The following EXTL1 variants were observed in gnomAD, a reference collection of about 807,000 sequenced individuals.
EXTL1 encodes exostosin-like 1.
A neutral mutation model predicts 64.6 loss-of-function variants in EXTL1; 43 were observed. That is an observed-to-expected ratio of 0.67 (90% CI 0.52 to 0.86). The LOEUF is 0.86. EXTL1 is among the 40% of genes least tolerant of loss of function. EXTL1 has a pLI of 0.00. For missense variants in EXTL1, 766 were observed against 879.0 expected (o/e 0.87, Z 1.62); for synonymous variants, 352 against 360.5 (o/e 0.98, Z 0.27).
intron 1 of EXTL1, among the ~76,000 whole-genome samples, chr1:26,027,769 C>T (rs2050234886): frequency 1.3e-5 from 2 of 151,066 alleles, no homozygotes; most frequent in Admixed American, 6.6e-5. Flanking sequence ...TTGCTTGATC[C>T]TGGGAAGTTG....
In EXTL1 at chr1:26,033,309, A is replaced by G. The variant is rs774675509; in HGVS notation, c.1512A>G (p.Thr504=). The change falls in exon 8 of 11, where the codon ACA becomes ACG. Residue 504 remains threonine (T), a synonymous_variant. Transcript: ENST00000374280. The surrounding 1 kb of genome is among the most constrained non-coding windows in gnomAD (Gnocchi z 5.1). ...LSLDARSSLS[T]SEVDFAFLVW... ...TCGATGCCCGCAGCAGTCTTTCCAC[A>G]AGTGAGGTGAGGGCTGGGCCCAAGA... The G allele has an allele frequency of 3.4e-5, 55 of 1,613,454 alleles. No homozygotes were observed. In the Admixed American group the frequency reaches 9.2e-4, roughly 27 times the overall value.
intron 6 of EXTL1, 32 bp downstream of exon 6, chr1:26,031,598 T>A: frequency 7.3e-7 from 1 of 1,369,862 alleles, no homozygotes; most frequent in South Asian, 1.3e-5. Flanking sequence ...AGTCCTGGGA[T>A]CCAGGGTGGG....
intron 1 of EXTL1, among the ~76,000 whole-genome samples, chr1:26,027,360 A>G (rs2050227643): frequency 6.6e-6 from 1 of 152,118 alleles, no homozygotes; most frequent in Admixed American, 6.5e-5. Context: ...CTCCTATCTC[A>G]TAGAGGTGCT....
At chr1:26,028,811 G>A (rs2050246065) in intron 1 of EXTL1, among the ~76,000 whole-genome samples, 1 of 152,196 alleles carries the variant, frequency 6.6e-6, no homozygotes, top group African/African-American at 2.4e-5. Flanking sequence ...TCTGCCTGTG[G>A]CCGAGTGGGG....
chr1:26,029,100 AG>A (rs1442523240), intron 1 of EXTL1, 92 bp from the exon 2 acceptor site: 24 of 817,136 alleles, frequency 2.9e-5, no homozygotes, highest in Admixed American at 1.3e-4. Flanking sequence ...TGTGGGGTGC[AG>A]GGGTGTGGGG....
rs766217117 is a variant in EXTL1 at position 26,029,694 on chromosome 1, G to A, written c.968G>A (p.Arg323Lys). 2 of 1,610,462 alleles carry A rather than the reference G, an allele frequency of 1.2e-6. No homozygotes were observed. The highest frequency in any genetic ancestry group is 2.2e-5 in the South Asian group (2 of 90,502). ...AAGGCAGCCATCGTAGCTGATGAGA[G>A]GCTCCCACTTCAGGTAGCTCAGAGC... ...WTKAAIVADE[R>K]LPLQVLAALQ... Residue 323 changes from arginine (R) to lysine (K), a missense_variant, in exon 3 of 11, where the codon AGG becomes AAG. Transcript: ENST00000374280.
chr1:26,035,274 G>A lies in EXTL1; in HGVS notation c.1958G>A (p.Arg653His). 6.2e-7 allele frequency: 1 copy of A among 1,613,646 alleles called. No homozygotes were observed. The highest frequency in any genetic ancestry group is 8.5e-7 in the Non-Finnish European group (1 of 1,179,936). ...ATGCCCTTGCTGTCCTCTCGTCTGC[G>A]TCTGGACCCGGTGCTGTTTAAGGAC... is the stretch of plus-strand genomic sequence containing the variant. ...GHMPLLSSRL[R>H]LDPVLFKDPV... The change falls in exon 11 of 11, where the codon CGT becomes CAT. Residue 653 changes from arginine to histidine, a missense_variant. By Grantham distance (29) the Arg-to-His change is conservative. Transcript: ENST00000374280. This position sits in a 1 kb window ranked among gnomAD's most constrained non-coding sequence, Gnocchi z 5.3.
rs201341976 is a variant in EXTL1 at position 26,030,479 on chromosome 1, C to T, written c.985C>T (p.Leu329=). 1.5e-4 allele frequency: 242 copies of T among 1,610,174 alleles called. No homozygotes were observed. Among genetic ancestry groups the T allele is most frequent in the Middle Eastern group, 2.0e-4 (1 of 5,102 alleles). Residue 329 remains leucine, a synonymous_variant, in exon 4 of 11, where the codon CTG becomes TTG. Transcript: ENST00000374280. ...VADERLPLQV[L]AALQEMSPAR... ...CTTTTCTCCCTCTCTGCTCCAGGTC[C>T]TGGCTGCCCTCCAGGAGATGTCCCC... is the stretch of plus-strand genomic sequence containing the variant.
At chr1:26,030,356 A>G (rs1490674432) in intron 3 of EXTL1, 120 bp from the exon 4 acceptor site, 20 of 375,396 alleles carry the variant, frequency 5.3e-5, no homozygotes, top group East Asian at 1.4e-4. Context: ...TTTTTGAGAT[A>G]GGATCTTGCT....
In EXTL1 at chr1:26,032,442, C is replaced by T. The variant is rs140906656; in HGVS notation, c.1388C>T (p.Pro463Leu). 1.1e-5 allele frequency: 17 copies of T among 1,555,030 alleles called. No homozygotes were observed. The highest frequency in any genetic ancestry group is 2.4e-5 in the East Asian group (1 of 41,288). The change falls in exon 7 of 11, where the codon CCG becomes CTG. Residue 463 changes from proline to leucine, a missense_variant. Transcript: ENST00000374280. ...SNERPLPSRW[P>L]ETAVPLTVID... ...GAGAGGCCACTCCCATCCAGGTGGCCGGAGACAGCTGTGCCCTTGACAGTC... is the reference window on the plus strand; with the variant it reads ...GAGAGGCCACTCCCATCCAGGTGGCTGGAGACAGCTGTGCCCTTGACAGTC...
Position 26,033,905 on chromosome 1 carries a change from ACCCCAC to A in EXTL1, c.1679+59_1679+64del. On this transcript the variant is annotated intron_variant, in intron 9 of 10. Coordinates refer to ENST00000374280, the MANE Select transcript of EXTL1 (RefSeq NM_004455.3). The surrounding 1 kb of genome is among the most constrained non-coding windows in gnomAD (Gnocchi z 5.1). ...GGATCAGAGTATCAGAGGACCAGAG[ACCCCAC>A]CCCCACCCCGAACGGAGCAGAGTGG... is the stretch of plus-strand genomic sequence containing the variant. 1 of 1,539,566 alleles carries A rather than the reference ACCCCAC, an allele frequency of 6.5e-7. No individual in the cohort carries two copies. Among genetic ancestry groups the A allele is most frequent in the Non-Finnish European group, 8.8e-7 (1 of 1,136,430 alleles).
intron 2 of EXTL1, among the ~76,000 whole-genome samples, 157 bp downstream of exon 2, chr1:26,029,443 T>A (rs925249602): frequency 6.6e-6 from 1 of 152,158 alleles, no homozygotes; most frequent in African/African-American, 2.4e-5. Flanking sequence ...CTGCACCCTC[T>A]GCAGAACAAC....
At chr1:26,028,155 G>T (rs2050238834) in intron 1 of EXTL1, among the ~76,000 whole-genome samples, 1 of 152,168 alleles carries the variant, frequency 6.6e-6, no homozygotes, top group Non-Finnish European at 1.5e-5. Flanking sequence ...AAAGAAGGCT[G>T]GGGTCCCCTG....
At chr1:26,027,027 T>G (rs2050223957) in intron 1 of EXTL1, among the ~76,000 whole-genome samples, 1 of 152,204 alleles carries the variant, frequency 6.6e-6, no homozygotes, top group African/African-American at 2.4e-5. Flanking sequence ...CTGCTGAAAT[T>G]GACCTCCCAG....
intron 6 of EXTL1, 56 bp from the exon 7 acceptor site, chr1:26,032,340 G>A (rs1054951474): frequency 1.2e-5 from 15 of 1,273,168 alleles, no homozygotes; most frequent in East Asian, 5.1e-5. Context: ...CCTGCCCCTC[G>A]CAACCCGCCT....
Position 26,022,772 on chromosome 1 carries a change from T to C in EXTL1, c.126T>C (p.Ala42=), listed in dbSNP as rs1282954099. 1.2e-6 allele frequency: 2 copies of C among 1,613,938 alleles called. No homozygotes were observed. The highest frequency in any genetic ancestry group is 3.3e-5 in the Admixed American group (2 of 59,998). ...LALPPRPRPG[A]SQGWPRWLDA... ...TGCCTCCCAGACCTCGGCCCGGGGCTTCCCAAGGCTGGCCCCGCTGGCTGG... is the reference window on the plus strand; with the variant it reads ...TGCCTCCCAGACCTCGGCCCGGGGCCTCCCAAGGCTGGCCCCGCTGGCTGG... Residue 42 remains alanine, a synonymous_variant, in exon 1 of 11, where the codon GCT becomes GCC. Transcript: ENST00000374280.
Position 26,035,670 on chromosome 1 carries a change from C to G in EXTL1, c.*323C>G. ...GCCTGGCCCTCCTCCCCCTCCGCCCCCAATGGGTTCGGTCTCCTTTGCGCT... is the reference window on the plus strand; with the variant it reads ...GCCTGGCCCTCCTCCCCCTCCGCCCGCAATGGGTTCGGTCTCCTTTGCGCT... On this transcript the variant is annotated 3_prime_UTR_variant, in exon 11 of 11. Coordinates refer to ENST00000374280, the MANE Select transcript of EXTL1 (RefSeq NM_004455.3). The surrounding 1 kb of genome is among the most constrained non-coding windows in gnomAD (Gnocchi z 5.3). 3.5e-6 allele frequency: 1 copy of G among 289,534 alleles called. No homozygotes were observed. Among genetic ancestry groups the G allele is most frequent in the East Asian group, 5.9e-5 (1 of 16,872 alleles). The allele number at this position is 289,534 out of a possible 1,614,324, so 17.9% of individuals were successfully genotyped here. A position where few individuals can be genotyped will look rare whatever the true frequency, so the allele number is the denominator to read the frequency against.
Position 26,022,791 on chromosome 1 carries a change from TG to T in EXTL1, c.147del (p.Trp49CysfsTer176). ...RPGASQGWPR[W>X]LDAELLQSFS... ...CGGGGCTTCCCAAGGCTGGCCCCGC[TG>T]GCTGGATGCAGAGCTCCTGCAGAGC... On this transcript the variant is annotated frameshift_variant, in exon 1 of 11. Transcript: ENST00000374280. LOFTEE classifies it high-confidence loss of function. 1 of 1,614,048 alleles carries T rather than the reference TG, an allele frequency of 6.2e-7. No individual in the cohort carries two copies. Among genetic ancestry groups the T allele is most frequent in the Non-Finnish European group, 8.5e-7 (1 of 1,179,986 alleles).
chr1:26,027,413 G>A (rs561938503), intron 1 of EXTL1, among the ~76,000 whole-genome samples: 1 of 152,156 alleles, frequency 6.6e-6, no homozygotes, highest in South Asian at 2.1e-4. Flanking sequence ...ACTTAGAACA[G>A]TACCTGGATC....
Sources: gnomAD v4.1 joint callset for allele counts (sites outside exome capture counted in the v4.1 genomes callset) on GRCh38, gnomAD v4.1.1 for gene constraint, Gnocchi (gnomAD v3.1) non-coding constraint, MANE v1.5 for transcripts, NCBI Gene and HGNC (gene_info 2026-07-23, HGNC 2026-07-21) for gene names.